NOL4: variants seen among roughly 807,000 people sequenced by gnomAD.
The protein encoded by NOL4 is cancer/testis antigen 125.
A neutral mutation model predicts 75.9 loss-of-function variants in NOL4; 17 were observed. The observed-to-expected ratio is 0.22, with a 90% CI of 0.15 to 0.34. NOL4 has a LOEUF of 0.34. NOL4 is among the 10% of genes least tolerant of loss of function. The pLI is 1.00. For synonymous variants in NOL4, 292 were observed against 289.9 expected (o/e 1.01, Z -0.07); for missense variants, 614 against 793.5 (o/e 0.77, Z 2.72).
intron 5 of NOL4, among the ~76,000 whole-genome samples, chr18:34,065,567 A>G (rs1384282672): frequency 6.6e-6 from 1 of 151,970 alleles, no homozygotes; most frequent in Admixed American, 6.6e-5. Flanking sequence ...CAATTGTGCT[A>G]CTAGTAAGGA....
intron 6 of NOL4, among the ~76,000 whole-genome samples, chr18:33,964,467 C>A (rs981384): frequency 0.71 from 105,830 of 149,936 alleles, 37,385 homozygotes; most frequent in African/African-American, 0.79. Flanking sequence ...GAAAGGAAAA[C>A]AAAGAAAAGA....
chr18:33,994,386 T>C (rs1166971131), intron 6 of NOL4, among the ~76,000 whole-genome samples: 2 of 151,966 alleles, frequency 1.3e-5, no homozygotes, highest in East Asian at 3.9e-4. Context: ...TGGATCATTC[T>C]GCAGGTTAGA....
At chr18:34,102,110 C>T (rs2079068466) in intron 4 of NOL4, among the ~76,000 whole-genome samples, 1 of 151,864 alleles carries the variant, frequency 6.6e-6, no homozygotes, top group South Asian at 2.1e-4. Flanking sequence ...TTAATAAAGC[C>T]TTTTAAACTT....
At chr18:33,943,605 C>T (rs2068642964) in intron 8 of NOL4, among the ~76,000 whole-genome samples, 1 of 151,984 alleles carries the variant, frequency 6.6e-6, no homozygotes, top group East Asian at 1.9e-4. Flanking sequence ...GACACTCAGA[C>T]CATGTCAAAC....
At chr18:34,037,473 A>T (rs2075960701) in intron 5 of NOL4, among the ~76,000 whole-genome samples, 1 of 152,188 alleles carries the variant, frequency 6.6e-6, no homozygotes, top group South Asian at 2.1e-4. Flanking sequence ...CTGAGTAAAA[A>T]GAACAAAGCT....
chr18:33,928,707 C>T (rs2067494055), intron 9 of NOL4, among the ~76,000 whole-genome samples: 2 of 151,970 alleles, frequency 1.3e-5, no homozygotes, highest in South Asian at 4.1e-4. Flanking sequence ...TTAAAAAATG[C>T]ATTGTTTGAT....
At chr18:33,947,154 A>T (rs2145618214) in intron 8 of NOL4, among the ~76,000 whole-genome samples, 1 of 151,922 alleles carries the variant, frequency 6.6e-6, no homozygotes, top group East Asian at 1.9e-4. Flanking sequence ...ATATCGAGAG[A>T]GTGAGAAGGA....
intron 9 of NOL4, among the ~76,000 whole-genome samples, chr18:33,927,633 A>G (rs779602950): frequency 2.6e-5 from 4 of 152,172 alleles, no homozygotes; most frequent in Non-Finnish European, 4.4e-5. Flanking sequence ...ATGTATAAGG[A>G]TTTATCCATT....
intron 9 of NOL4, among the ~76,000 whole-genome samples, chr18:33,893,561 G>A (rs1049996687): frequency 6.6e-6 from 1 of 152,112 alleles, no homozygotes; most frequent in Non-Finnish European, 1.5e-5. Flanking sequence ...CATATAAAAT[G>A]TTTCATTAAC....
intron 4 of NOL4, among the ~76,000 whole-genome samples, chr18:34,103,493 A>G (rs1430143177): frequency 6.6e-6 from 1 of 152,048 alleles, no homozygotes; most frequent in East Asian, 1.9e-4. Context: ...ATAACTTAAA[A>G]CATCAAAACA....
At chr18:34,197,419 G>T (rs1233303230) in intron 1 of NOL4, among the ~76,000 whole-genome samples, 2 of 152,072 alleles carry the variant, frequency 1.3e-5, no homozygotes, top group Admixed American at 6.6e-5. Context: ...AGATGTATAG[G>T]CTGATAATAC....
intron 5 of NOL4, among the ~76,000 whole-genome samples, chr18:34,062,563 C>A (rs970889840): frequency 6.6e-6 from 1 of 152,040 alleles, no homozygotes; most frequent in Admixed American, 6.6e-5. Flanking sequence ...ATTTCCATTC[C>A]ATTCCCCATT....
chr18:34,162,025 A>G (rs1327165772), intron 1 of NOL4, among the ~76,000 whole-genome samples: 1 of 152,170 alleles, frequency 6.6e-6, no homozygotes. Flanking sequence ...GCCGGCAGAA[A>G]TCTACTATCT....
chr18:34,154,048 T>C (rs533380931), intron 1 of NOL4, among the ~76,000 whole-genome samples: 1 of 152,030 alleles, frequency 6.6e-6, no homozygotes, highest in South Asian at 2.1e-4. Flanking sequence ...CCAGCTAACA[T>C]TCAGAGGATT....
intron 5 of NOL4, among the ~76,000 whole-genome samples, chr18:34,088,271 T>C (rs2078339858): frequency 6.6e-6 from 1 of 152,100 alleles, no homozygotes; most frequent in Non-Finnish European, 1.5e-5. Context: ...GCCAGATATT[T>C]TTTAAAAATA....
chr18:34,189,938 C>T (rs2034786648), intron 1 of NOL4, among the ~76,000 whole-genome samples: 1 of 151,472 alleles, frequency 6.6e-6, no homozygotes, highest in Admixed American at 6.6e-5. Flanking sequence ...TGGACAATTG[C>T]TCTTTTTTAG....
Position 34,176,126 on chromosome 18 carries a change from G to A in NOL4, c.265-46106C>T, listed in dbSNP as rs558757543. ...AGCTGGAGAATATTAATAAGAACAC[G>A]GAAATTATTTAAAAAAATAAAGGAC... On this transcript the variant is annotated intron_variant, in intron 1 of 10. Transcript: ENST00000261592. Among the ~76,000 whole-genome samples the A allele has an allele frequency of 1.2e-3, 185 of 151,688 alleles. 2 individuals are homozygous for A. Among genetic ancestry groups the A allele is most frequent in the African/African-American group, 4.0e-3 (164 of 41,350 alleles).
intron 1 of NOL4, chr18:34,222,047 C>A: frequency 2.0e-6 from 3 of 1,535,512 alleles, no homozygotes; most frequent in Non-Finnish European, 8.7e-7. Context: ...AGGTCTCCTG[C>A]ATCAGATCTG....
chr18:33,925,726 T>G (rs2067284987), intron 9 of NOL4, among the ~76,000 whole-genome samples: 1 of 152,162 alleles, frequency 6.6e-6, no homozygotes, highest in African/African-American at 2.4e-5. Context: ...TTTTGTGCTG[T>G]GTTGGTCTTT....
Sources: gnomAD v4.1 joint callset for allele counts (sites outside exome capture counted in the v4.1 genomes callset) on GRCh38, gnomAD v4.1.1 for gene constraint, MANE v1.5 for transcripts, NCBI Gene and HGNC (gene_info 2026-07-23, HGNC 2026-07-21) for gene names.